The following ITFG2 variants were observed in gnomAD, a reference collection of about 807,000 sequenced individuals.
The protein encoded by ITFG2 is KICSTOR complex protein ITFG2.
In ITFG2, 36 loss-of-function variants were observed where a neutral mutation model predicts 54.4. The observed-to-expected ratio is 0.66, with a 90% CI of 0.51 to 0.87. ITFG2 has a LOEUF of 0.87. ITFG2 is among the 40% of genes least tolerant of loss of function. ITFG2 has a pLI of 0.00. For missense variants in ITFG2, 524 were observed against 576.7 expected (o/e 0.91, Z 0.94); for synonymous variants, 211 against 225.4 (o/e 0.94, Z 0.57).
chr12:2,819,837 G>A (rs953676693), intron 4 of ITFG2: 1 of 351,102 alleles, frequency 2.8e-6, no homozygotes. Context: ...GGATGAATTG[G>A]GACACTTTGA....
chr12:2,818,744 G>A (rs1210144311), intron 4 of ITFG2: 14 of 189,962 alleles, frequency 7.4e-5, no homozygotes, highest in African/African-American at 1.2e-4. Context: ...ACGGCCAGAC[G>A]TGATGGCTCA....
upstream of ITFG2, among the ~76,000 whole-genome samples, chr12:2,833,878 A>G (rs1015476574): frequency 6.6e-6 from 1 of 152,198 alleles, no homozygotes; most frequent in Non-Finnish European, 1.5e-5. Context: ...AGAGACGTAA[A>G]GTCAATTGCA....
chr12:2,830,261 TAGA>T (rs1286956748), intron 2 of ITFG2: 5 of 153,098 alleles, frequency 3.3e-5, no homozygotes, highest in South Asian at 4.1e-4. Context: ...GCAATCCACA[TAGA>T]AGAAGCACAG....
chr12:2,836,187 C>A (rs551624769), upstream of ITFG2, among the ~76,000 whole-genome samples: 4 of 152,344 alleles, frequency 2.6e-5, no homozygotes, highest in South Asian at 6.2e-4. Flanking sequence ...GCCTTTTTGG[C>A]ATATTGCCAG....
chr12:2,837,216 G>A (rs946839739), intron 1 of ITFG2, among the ~76,000 whole-genome samples: 2 of 152,162 alleles, frequency 1.3e-5, no homozygotes, highest in African/African-American at 4.8e-5. Flanking sequence ...GGTGGCTCAC[G>A]CCTGTAATCC....
At chr12:2,855,918 G>A (rs977341032) in intron 2 of ITFG2, among the ~76,000 whole-genome samples, 1 of 151,988 alleles carries the variant, frequency 6.6e-6, no homozygotes, top group African/African-American at 2.4e-5. Context: ...ATAGGGCCAG[G>A]GGTTTTCCCA....
chr12:2,819,792 C>T, intron 4 of ITFG2: 1 of 260,908 alleles, frequency 3.8e-6, no homozygotes, highest in Non-Finnish European at 7.2e-6. Context: ...GGGAACCATC[C>T]AGATAGGGGG....
downstream of ITFG2, chr12:2,826,510 C>A (rs569374310): frequency 6.6e-6 from 1 of 152,296 alleles, no homozygotes; most frequent in South Asian, 2.1e-4. Flanking sequence ...CGGATAAATA[C>A]CTATAGCGTT....
At chr12:2,837,542 C>T (rs1377180137) in intron 1 of ITFG2, among the ~76,000 whole-genome samples, 2 of 152,002 alleles carry the variant, frequency 1.3e-5, no homozygotes, top group African/African-American at 4.8e-5. Flanking sequence ...GAGGCTGAGG[C>T]AGGAGAATTG....
chr12:2,853,429 C>T (rs1227975307), intron 2 of ITFG2, among the ~76,000 whole-genome samples: 3 of 152,124 alleles, frequency 2.0e-5, no homozygotes, highest in East Asian at 1.9e-4. Flanking sequence ...CCTGCCACCA[C>T]GCCCAGCTAA....
intron 1 of ITFG2, 44 bp downstream of exon 1, chr12:2,812,900 G>A (rs374263180): frequency 6.5e-7 from 1 of 1,535,218 alleles, no homozygotes; most frequent in Admixed American, 1.7e-5. Flanking sequence ...ATCTGTGCAG[G>A]GACGGGGCAA....
chr12:2,816,847 G>T (rs934237201), intron 1 of ITFG2, among the ~76,000 whole-genome samples: 1 of 145,694 alleles, frequency 6.9e-6, no homozygotes, highest in African/African-American at 2.6e-5. Context: ...TCACCATGTT[G>T]GCTAGGCTGG....
chr12:2,844,086 C>G (rs58504259), intron 2 of ITFG2, among the ~76,000 whole-genome samples: 3,716 of 146,440 alleles, frequency 0.025, 455 homozygotes, highest in African/African-American at 0.092. Flanking sequence ...GAAACCCCAT[C>G]TCTACTAAAA....
At chr12:2,848,895 A>ACG (rs2098061089) in intron 2 of ITFG2, 2 of 332,630 alleles carry the variant, frequency 6.0e-6, no homozygotes, top group African/African-American at 4.4e-5. Flanking sequence ...ACACACACAC[A>ACG]CACACACACA....
intron 2 of ITFG2, among the ~76,000 whole-genome samples, chr12:2,850,892 G>A (rs1041924672): frequency 6.6e-6 from 1 of 150,948 alleles, no homozygotes; most frequent in Non-Finnish European, 1.5e-5. Flanking sequence ...GGCTGGTCTC[G>A]AACTCTTGAC....
chr12:2,836,057 C>G (rs185071963), upstream of ITFG2, among the ~76,000 whole-genome samples: 416 of 152,268 alleles, frequency 2.7e-3, 4 homozygotes, highest in South Asian at 6.6e-3. Flanking sequence ...TTAGGTCTAA[C>G]AAACAATGCT....
At chr12:2,825,870 C>A (rs2097964125), downstream of ITFG2, 2 of 152,242 alleles carry the variant, frequency 1.3e-5, no homozygotes, top group Non-Finnish European at 2.9e-5. Flanking sequence ...TCAAGCAACT[C>A]CTATGCCTCA....
At chr12:2,821,866 G>A in intron 9 of ITFG2, 74 bp downstream of exon 9, 1 of 1,116,428 alleles carries the variant, frequency 9.0e-7, no homozygotes, top group Non-Finnish European at 1.3e-6. Flanking sequence ...GAATAATCAG[G>A]CTATTCTCAC....
chr12:2,820,949 A>G, intron 6 of ITFG2, 77 bp downstream of exon 6: 1 of 1,497,520 alleles, frequency 6.7e-7, no homozygotes, highest in South Asian at 1.2e-5. Flanking sequence ...CATGGTAGTA[A>G]AATGGGTCTG....
Sources: gnomAD v4.1 joint callset for allele counts (sites outside exome capture counted in the v4.1 genomes callset) on GRCh38, gnomAD v4.1.1 for gene constraint, MANE v1.5 for transcripts, NCBI Gene and HGNC (gene_info 2026-07-23, HGNC 2026-07-21) for gene names.